Variants in ATP10A observed in about 807,000 individuals in gnomAD.
The protein encoded by ATP10A is phospholipid-transporting ATPase VA.
In ATP10A, 111 loss-of-function variants were observed where a neutral mutation model predicts 147.8. The ratio of observed to expected loss-of-function variants is 0.75; its 90% confidence interval spans 0.64 to 0.88. ATP10A has a LOEUF of 0.88. ATP10A is among the 40% of genes least tolerant of loss of function. The pLI is 0.00. For synonymous variants in ATP10A, 875 were observed against 841.6 expected (o/e 1.04, Z -0.69); for missense variants, 1,927 against 1,959.0 (o/e 0.98, Z 0.31).
At chr15:25,686,316 A>C in intron 16 of ATP10A, among the ~76,000 whole-genome samples, 1 of 106,758 alleles carries the variant, frequency 9.4e-6, no homozygotes, top group South Asian at 3.1e-4. Flanking sequence ...CTGCCTCTAC[A>C]AAATTAAAAA....
intron 2 of ATP10A, among the ~76,000 whole-genome samples, chr15:25,746,808 G>A (rs1178895905): frequency 6.6e-6 from 1 of 151,944 alleles, no homozygotes; most frequent in Non-Finnish European, 1.5e-5. Context: ...ATCCCTACTC[G>A]GAAACTCCAA....
intron 1 of ATP10A, among the ~76,000 whole-genome samples, chr15:25,843,879 A>T (rs115076708): frequency 0.018 from 2,768 of 152,266 alleles, 37 homozygotes; most frequent in African/African-American, 0.044. Context: ...CGGACCAGGC[A>T]CTGGAAGGGC....
chr15:25,750,607 T>C (rs904762344), intron 2 of ATP10A, among the ~76,000 whole-genome samples: 1 of 152,174 alleles, frequency 6.6e-6, no homozygotes, highest in Non-Finnish European at 1.5e-5. Flanking sequence ...GCTCTTTTTA[T>C]GAGCATGGGT....
At chr15:25,686,755 A>G (rs1899723411) in intron 16 of ATP10A, among the ~76,000 whole-genome samples, 1 of 107,128 alleles carries the variant, frequency 9.3e-6, no homozygotes, top group Non-Finnish European at 1.7e-5. Context: ...ACTCCTCAGT[A>G]AAATATCTAG....
chr15:25,775,731 C>T (rs978786651), intron 2 of ATP10A, among the ~76,000 whole-genome samples: 7 of 152,222 alleles, frequency 4.6e-5, no homozygotes, highest in African/African-American at 1.7e-4. Context: ...AACAGGTCCA[C>T]CCAAGAGACA....
At chr15:25,716,687 C>T (rs1596743983) in intron 9 of ATP10A, 43 bp downstream of exon 9, 7 of 1,485,104 alleles carry the variant, frequency 4.7e-6, no homozygotes, top group African/African-American at 2.8e-5. Flanking sequence ...TGGCCCGCAG[C>T]GCAGAAGGTC....
intron 1 of ATP10A, among the ~76,000 whole-genome samples, chr15:25,836,973 A>G (rs1892625208): frequency 6.6e-6 from 1 of 152,240 alleles, no homozygotes; most frequent in Non-Finnish European, 1.5e-5. Flanking sequence ...TATACATATA[A>G]GGTACAAAAC....
In ATP10A at chr15:25,714,228, A is replaced by G; in HGVS notation, c.1790T>C (p.Phe597Ser). Reference protein sequence around the residue: ...DQPRTKVRVRFELKSPVKTIE... With the variant: ...DQPRTKVRVRSELKSPVKTIE... ...CGTCTTCACCGGGGACTTCAGCTCA[A>G]ACCTCACCCTCACCTGCAAGAGAAA... The change falls in exon 10 of 21, where the codon TTT becomes TCT. Residue 597 changes from phenylalanine to serine, a missense_variant. Coordinates refer to ENST00000555815, the MANE Select transcript of ATP10A (RefSeq NM_024490.4). 1 of 1,599,638 alleles carries G rather than the reference A, an allele frequency of 6.3e-7. No homozygotes were observed. Among genetic ancestry groups the G allele is most frequent in the Non-Finnish European group, 8.5e-7 (1 of 1,179,924 alleles).
chr15:25,692,785 C>T (rs149517433), intron 14 of ATP10A, among the ~76,000 whole-genome samples: 9 of 152,088 alleles, frequency 5.9e-5, no homozygotes, highest in Admixed American at 1.3e-4. Context: ...GATGCTTTAA[C>T]GCATTCTTTC....
At position 25,679,255 on chromosome 15, in the gene ATP10A, C is replaced by A; in HGVS notation, c.*86G>T. ...GCCTGGGAAACATTTAGAAATACAT[C>A]TCCCTAGAACTCTTCTGTGCAAATA... On this transcript the variant is annotated 3_prime_UTR_variant, in exon 21 of 21. Coordinates refer to ENST00000555815, the MANE Select transcript of ATP10A (RefSeq NM_024490.4). 1 of 1,023,142 alleles carries A rather than the reference C, an allele frequency of 9.8e-7. No individual in the cohort carries two copies. Among genetic ancestry groups the A allele is most frequent in the Non-Finnish European group, 1.3e-6 (1 of 798,156 alleles). The allele number at this position is 1,023,142 out of a possible 1,614,324, so 63.4% of individuals were successfully genotyped here.
intron 12 of ATP10A, 116 bp from the exon 13 acceptor site, chr15:25,702,216 T>C (rs976247240): frequency 1.8e-6 from 2 of 1,087,100 alleles, no homozygotes; most frequent in African/African-American, 1.6e-5. Flanking sequence ...ACAGCCCCTG[T>C]TGCCTGGGCC....
In ATP10A at chr15:25,716,802, G is replaced by A; in HGVS notation, c.1704C>T (p.Val568=). 6.2e-7 allele frequency: 1 copy of A among 1,609,762 alleles called. No individual in the cohort carries two copies. Among genetic ancestry groups the A allele is most frequent in the Non-Finnish European group, 8.5e-7 (1 of 1,178,198 alleles). Residue 568 remains valine (V), a synonymous_variant, in exon 9 of 21, where the codon GTC becomes GTT. Coordinates refer to ENST00000555815, the MANE Select transcript of ATP10A (RefSeq NM_024490.4). The part of the protein sequence containing the change: ...LAHLSPELSD[V]FDFFIALTIC... Reference sequence around the variant, plus strand: ...TGGTGAGTGCGATGAAGAAATCAAAGACGTCAGACAGCTCAGGCGAGAGGT... The same window carrying A: ...TGGTGAGTGCGATGAAGAAATCAAAAACGTCAGACAGCTCAGGCGAGAGGT...
At chr15:25,819,553 C>A (rs1244505690) in intron 1 of ATP10A, among the ~76,000 whole-genome samples, 1 of 151,342 alleles carries the variant, frequency 6.6e-6, no homozygotes, top group African/African-American at 2.4e-5. Flanking sequence ...GCCATTTGAC[C>A]CAGCAATCCC....
chr15:25,848,900 C>T (rs1486532900), intron 1 of ATP10A: 3 of 153,652 alleles, frequency 2.0e-5, no homozygotes, highest in Admixed American at 6.6e-5. Context: ...TATTCAAGCA[C>T]TATGGGGCTG....
At chr15:25,782,486 G>A (rs1170184066) in intron 1 of ATP10A, among the ~76,000 whole-genome samples, 2 of 151,954 alleles carry the variant, frequency 1.3e-5, no homozygotes, top group Non-Finnish European at 2.9e-5. Flanking sequence ...ATGTTTCATC[G>A]TAATAAAAAA....
chr15:25,697,986 A>G (rs1900438702), intron 13 of ATP10A, among the ~76,000 whole-genome samples: 1 of 152,202 alleles, frequency 6.6e-6, no homozygotes, highest in Non-Finnish European at 1.5e-5. Context: ...ACTCTTCAAA[A>G]TGGTCAAAAT....
chr15:25,687,990 G>T, intron 15 of ATP10A, 162 bp from the exon 16 acceptor site: 1 of 863,722 alleles, frequency 1.2e-6, no homozygotes, highest in Non-Finnish European at 1.9e-6. Flanking sequence ...GTCTCCCTCA[G>T]CATCTCCTTC....
At chr15:25,793,425 T>C (rs1040706695) in intron 1 of ATP10A, among the ~76,000 whole-genome samples, 2 of 152,232 alleles carry the variant, frequency 1.3e-5, no homozygotes, top group African/African-American at 4.8e-5. Context: ...GTTAAGTTTC[T>C]GAGTACTGTG....
Position 25,713,837 on chromosome 15 carries a change from G to C in ATP10A, c.2181C>G (p.Pro727=). Residue 727 remains proline, a synonymous_variant, in exon 10 of 21, where the codon CCC becomes CCG. Transcript: ENST00000555815. Reference sequence around the variant, plus strand: ...GCTCGAAGGTGAGCCTGCCCAGGTGGGGCAGCTCCACTGACACTTGGTCGT... The same window carrying C: ...GCTCGAAGGTGAGCCTGCCCAGGTGCGGCAGCTCCACTGACACTTGGTCGT... ...RLHDQVSVEL[P]HLGRLTFELL... The C allele has an allele frequency of 1.2e-6, 2 of 1,613,998 alleles. No individual in the cohort carries two copies. The highest frequency in any genetic ancestry group is 1.7e-6 in the Non-Finnish European group (2 of 1,180,040).
Sources: gnomAD v4.1 joint callset for allele counts (sites outside exome capture counted in the v4.1 genomes callset) on GRCh38, gnomAD v4.1.1 for gene constraint, MANE v1.5 for transcripts, NCBI Gene and HGNC (gene_info 2026-07-23, HGNC 2026-07-21) for gene names.